The following CDC42SE2 variants were observed in gnomAD, a reference collection of about 807,000 sequenced individuals.
CDC42SE2 encodes the protein CDC42 small effector protein 2.
In CDC42SE2, 3 loss-of-function variants were observed where a neutral mutation model predicts 11.5. The observed-to-expected ratio is 0.26, with a 90% CI of 0.12 to 0.67. The LOEUF is 0.67. Among genes scored for constraint, CDC42SE2 ranks in the 30% least tolerant of loss-of-function variants. The pLI is 0.80. For missense variants in CDC42SE2, 82 were observed against 106.8 expected, an observed-to-expected ratio of 0.77 and a Z score of 1.02; for synonymous variants, 33 against 34.8, an observed-to-expected ratio of 0.95 and a Z score of 0.18.
chr5:131,369,056 G>C (rs927045950), intron 3 of CDC42SE2, among the ~76,000 whole-genome samples: 1 of 152,124 alleles, frequency 6.6e-6, no homozygotes, highest in Non-Finnish European at 1.5e-5. Flanking sequence ...CCAACACCTG[G>C]AGGAACTGCT....
chr5:131,347,657 A>G (rs1315321300), intron 2 of CDC42SE2, among the ~76,000 whole-genome samples: 4 of 152,188 alleles, frequency 2.6e-5, no homozygotes, highest in Admixed American at 6.5e-5. Flanking sequence ...TATGAGGTCA[A>G]CATCATCCTG....
chr5:131,298,004 A>T (rs1466901441), intron 1 of CDC42SE2, among the ~76,000 whole-genome samples: 2 of 152,044 alleles, frequency 1.3e-5, no homozygotes, highest in Non-Finnish European at 2.9e-5. Flanking sequence ...TCACTGAGTT[A>T]TTTGTAAAAT....
At chr5:131,284,141 T>G (rs574400012) in intron 1 of CDC42SE2, among the ~76,000 whole-genome samples, 35 of 152,330 alleles carry the variant, frequency 2.3e-4, no homozygotes, top group African/African-American at 7.9e-4. Flanking sequence ...GCATAATATG[T>G]TCAAGGTTTA....
chr5:131,314,903 T>A (rs557370539), intron 1 of CDC42SE2, among the ~76,000 whole-genome samples: 7 of 152,194 alleles, frequency 4.6e-5, no homozygotes, highest in African/African-American at 1.7e-4. Context: ...GGTGTTAAAT[T>A]TATAGGCAAT....
At chr5:131,281,360 A>G (rs1330219339) in intron 1 of CDC42SE2, among the ~76,000 whole-genome samples, 1 of 152,140 alleles carries the variant, frequency 6.6e-6, no homozygotes, top group Non-Finnish European at 1.5e-5. Flanking sequence ...GGCCTTTTCT[A>G]CTGAGAAATG....
chr5:131,368,606 ATCTT>A (rs1749929722), intron 3 of CDC42SE2, among the ~76,000 whole-genome samples: 1 of 152,158 alleles, frequency 6.6e-6, no homozygotes, highest in East Asian at 1.9e-4. Flanking sequence ...AAACTGGTGT[ATCTT>A]TATTTTTAAG....
chr5:131,314,555 G>A (rs1042122983), intron 1 of CDC42SE2, among the ~76,000 whole-genome samples: 4 of 152,142 alleles, frequency 2.6e-5, no homozygotes, highest in African/African-American at 9.6e-5. Flanking sequence ...ATTATTCTTT[G>A]TACAAGTGTT....
At chr5:131,261,086 GAAC>G (rs1167285377), upstream of CDC42SE2, among the ~76,000 whole-genome samples, 1 of 152,248 alleles carries the variant, frequency 6.6e-6, no homozygotes, top group Non-Finnish European at 1.5e-5. Context: ...CAGTTGGTTA[GAAC>G]AACATGTTCC....
intron 1 of CDC42SE2, among the ~76,000 whole-genome samples, chr5:131,269,192 G>A (rs1756941182): frequency 6.6e-6 from 1 of 152,070 alleles, no homozygotes. Flanking sequence ...TCATCCAAAG[G>A]GAGTTCCTGA....
At chr5:131,223,006 C>G in the CDC42SE2 span, among the ~76,000 whole-genome samples, 1 of 152,220 alleles carries the variant, frequency 6.6e-6, no homozygotes, top group Admixed American at 6.5e-5. Context: ...GTAATTAAAT[C>G]ATTGGCACCC....
intron 1 of CDC42SE2, among the ~76,000 whole-genome samples, chr5:131,310,172 A>G (rs1485540244): frequency 6.6e-6 from 1 of 151,856 alleles, no homozygotes; most frequent in African/African-American, 2.4e-5. Flanking sequence ...GTTTCAAAGA[A>G]CATCTTTATT....
chr5:131,371,809 C>T (rs1486922307), intron 3 of CDC42SE2, among the ~76,000 whole-genome samples: 3 of 152,206 alleles, frequency 2.0e-5, no homozygotes, highest in Non-Finnish European at 4.4e-5. Flanking sequence ...TGAGACTATG[C>T]AGATACAGCA....
chr5:131,341,737 A>C (rs1436118663), intron 2 of CDC42SE2, among the ~76,000 whole-genome samples: 1 of 152,168 alleles, frequency 6.6e-6, no homozygotes, highest in East Asian at 1.9e-4. Flanking sequence ...AAGCAATTAA[A>C]AAAGCTTAGC....
At chr5:131,291,244 T>A (rs891321999) in intron 1 of CDC42SE2, among the ~76,000 whole-genome samples, 9 of 152,182 alleles carry the variant, frequency 5.9e-5, no homozygotes, top group African/African-American at 9.6e-5. Context: ...ATTTTTTTTT[T>A]AAAAAAGGAC....
chr5:131,349,669 G>C (rs546970819), intron 2 of CDC42SE2, among the ~76,000 whole-genome samples: 1 of 152,022 alleles, frequency 6.6e-6, no homozygotes, highest in African/African-American at 2.4e-5. Flanking sequence ...AAAATCCATT[G>C]GGAACAACCC....
rs1426608532 is a variant in CDC42SE2, at chr5:131,394,163, T to TTAAA, written c.*3075_*3078dup. The TTAAA allele has an allele frequency of 1.3e-5, 2 of 152,376 alleles. No individual in the cohort carries two copies. The highest frequency in any genetic ancestry group is 2.9e-5 in the Non-Finnish European group (2 of 68,046). The allele number at this position is 152,376 out of a possible 1,614,324, so 9.4% of individuals were successfully genotyped here. ...TATCTCATTTTTAAATTGAAGCGAA[T>TTAAA]TAAATAGGATTTTACTACTCAACAT... On this transcript the variant is annotated 3_prime_UTR_variant, in exon 5 of 5. Coordinates refer to ENST00000505065, the MANE Select transcript of CDC42SE2 (RefSeq NM_001375635.1).
In CDC42SE2 at chr5:131,392,441, T is replaced by G. The variant is rs1365625576; in HGVS notation, c.*1350T>G. 1 of 152,748 alleles carries G rather than the reference T, an allele frequency of 6.5e-6. No homozygotes were observed. Among genetic ancestry groups the G allele is most frequent in the African/African-American group, 2.4e-5 (1 of 41,456 alleles). 9.5% of individuals were successfully genotyped at this position (152,748 alleles called of 1,614,324 possible). On this transcript the variant is annotated 3_prime_UTR_variant, in exon 5 of 5. Transcript: ENST00000505065. ...TGATGATGCTGCTATTAGATAAAGT[T>G]TAGCTGTGGCACCAAGTCACATCAT...
At chr5:131,258,408 G>T (rs1444023337) in intron 2 of CDC42SE2, among the ~76,000 whole-genome samples, 2 of 152,004 alleles carry the variant, frequency 1.3e-5, no homozygotes, top group Admixed American at 1.3e-4. Context: ...TTAAAAAAAA[G>T]AAAAAGGAGT....
intron 1 of CDC42SE2, among the ~76,000 whole-genome samples, chr5:131,266,556 C>T (rs1307103401): frequency 6.7e-6 from 1 of 149,748 alleles, no homozygotes; most frequent in Non-Finnish European, 1.5e-5. Context: ...GCCTTTGGGG[C>T]TCGAGCTATT....
Sources: allele counts gnomAD v4.1 joint callset (sites outside exome capture counted in the v4.1 genomes callset), GRCh38; gene constraint gnomAD v4.1.1; transcripts MANE v1.5; gene names NCBI Gene and HGNC (gene_info 2026-07-23, HGNC 2026-07-21).